PTPRD: variants seen among roughly 807,000 people sequenced by gnomAD.
PTPRD encodes the protein protein tyrosine phosphatase receptor type D, also known as receptor-type tyrosine-protein phosphatase delta.
PTPRD carries 34 observed loss-of-function variants against 214.5 expected under a neutral mutation model. The ratio of observed to expected loss-of-function variants is 0.16; its 90% CI spans 0.12 to 0.21. The LOEUF (loss-of-function observed/expected upper bound fraction) is 0.21, where lower values mean the gene tolerates loss of function less well. Among genes scored for constraint, PTPRD ranks in the 10% least tolerant of loss-of-function variants. The pLI is 1.00. For synonymous variants in PTPRD, 1,128 were observed against 845.7 expected, an observed-to-expected ratio of 1.33 and a Z score of -5.79; for missense variants, 2,545 against 2,398.7, an observed-to-expected ratio of 1.06 and a Z score of -1.27.
At chr9:9,140,268 G>A (rs551832466) in intron 10 of PTPRD, among the ~76,000 whole-genome samples, 3 of 152,080 alleles carry the variant, frequency 2.0e-5, no homozygotes, top group Admixed American at 6.5e-5. Context: ...TAAATGCAGT[G>A]TTTTATCTTG....
At chr9:8,389,101 C>A (rs1187317819) in intron 37 of PTPRD, 131 bp downstream of exon 37, 5 of 653,644 alleles carry the variant, frequency 7.6e-6, no homozygotes, top group Non-Finnish European at 1.2e-5. Flanking sequence ...TTGTTGATGC[C>A]CATTCATAAT....
At chr9:9,223,157 T>C (rs770795333) in intron 9 of PTPRD, among the ~76,000 whole-genome samples, 6 of 151,974 alleles carry the variant, frequency 3.9e-5, no homozygotes, top group Non-Finnish European at 8.8e-5. Context: ...AATATAGCTC[T>C]AAGTGGGCAG....
rs556180821 is a variant in PTPRD, at chr9:9,890,778, G to A, written c.-368+47729C>T. The stretch of plus-strand genomic sequence containing the variant: ...GGGTGTAATTTCCACCAATTGGAAG[G>A]GGAAAGCAGGCGCCTATTCTCAAAT... On this transcript the variant is annotated intron_variant, in intron 5 of 45. Transcript: ENST00000381196. 3.9e-5 allele frequency among the ~76,000 whole-genome samples: 6 copies of A among 152,102 alleles called. No homozygotes were observed. The East Asian group carries it at 9.7e-4, about 25-fold the overall frequency.
chr9:10,008,671 G>T (rs1224509016), intron 4 of PTPRD, among the ~76,000 whole-genome samples: 1 of 151,588 alleles, frequency 6.6e-6, no homozygotes, highest in Non-Finnish European at 1.5e-5. Flanking sequence ...TCTGGTTTTT[G>T]CCAGAAGCTA....
At chr9:10,333,794 G>C (rs191986906) in intron 3 of PTPRD, among the ~76,000 whole-genome samples, 9 of 151,858 alleles carry the variant, frequency 5.9e-5, no homozygotes, top group Non-Finnish European at 1.2e-4. Flanking sequence ...TTTAGGTTTT[G>C]TCTACCTAGG....
intron 10 of PTPRD, among the ~76,000 whole-genome samples, chr9:9,163,571 T>C (rs1212074761): frequency 6.6e-6 from 1 of 152,072 alleles, no homozygotes; most frequent in African/African-American, 2.4e-5. Flanking sequence ...CTAATTGGCC[T>C]TTTTTCCCGT....
intron 15 of PTPRD, chr9:8,528,171 CATTTT>C: frequency 2.7e-6 from 1 of 373,906 alleles, no homozygotes; most frequent in Admixed American, 4.4e-5. Flanking sequence ...TTAATATGAA[CATTTT>C]ATTTTTTAAT....
chr9:10,504,243 T>A (rs1242832047), intron 2 of PTPRD, among the ~76,000 whole-genome samples: 3 of 149,386 alleles, frequency 2.0e-5, no homozygotes, highest in Non-Finnish European at 4.5e-5. Flanking sequence ...AACTCTCTCC[T>A]ATCTACATGT....
intron 5 of PTPRD, among the ~76,000 whole-genome samples, chr9:9,862,946 T>C (rs766828815): frequency 2.0e-5 from 3 of 147,886 alleles, no homozygotes; most frequent in African/African-American, 5.1e-5. Context: ...TTTCATAAAA[T>C]AGTTTGTAAA....
At chr9:8,625,843 T>C (rs570161844) in intron 14 of PTPRD, among the ~76,000 whole-genome samples, 18 of 151,226 alleles carry the variant, frequency 1.2e-4, no homozygotes, top group Non-Finnish European at 2.2e-4. Context: ...TGAAATGATA[T>C]GACTATTCCC....
At chr9:9,530,156 T>C (rs2075130901) in intron 8 of PTPRD, among the ~76,000 whole-genome samples, 1 of 152,022 alleles carries the variant, frequency 6.6e-6, no homozygotes, top group African/African-American at 2.4e-5. Flanking sequence ...ATAAAGATCA[T>C]AGCAGAGCTA....
At chr9:8,413,284 G>C (rs1025056336) in intron 35 of PTPRD, among the ~76,000 whole-genome samples, 1 of 152,098 alleles carries the variant, frequency 6.6e-6, no homozygotes, top group Non-Finnish European at 1.5e-5. Context: ...TTCAGATGCA[G>C]GTGGAGGGAA....
rs542518957 is a variant in PTPRD at position 8,703,950 on chromosome 9, C to G, written c.64+29830G>C. Among the ~76,000 whole-genome samples, 609 of 152,308 alleles carry G rather than the reference C, an allele frequency of 4.0e-3. 2 individuals carry two copies. The highest frequency in any genetic ancestry group is 0.014 in the African/African-American group (587 of 41,574). ...CTTATCAATAAATACTACAATCACC[C>G]CAACAGGTGCTCTTAACACAAATCT... On this transcript the variant is annotated intron_variant, in intron 12 of 45. Transcript: ENST00000381196.
At chr9:10,303,520 A>T (rs2095940285) in intron 3 of PTPRD, among the ~76,000 whole-genome samples, 1 of 152,170 alleles carries the variant, frequency 6.6e-6, no homozygotes, top group South Asian at 2.1e-4. Context: ...CACTAGACAG[A>T]CTAATAAAGA....
At chr9:10,478,318 A>G (rs1443423218) in intron 2 of PTPRD, among the ~76,000 whole-genome samples, 2 of 152,208 alleles carry the variant, frequency 1.3e-5, no homozygotes, top group African/African-American at 2.4e-5. Flanking sequence ...TATAAAATAT[A>G]AAATATGAAT....
intron 2 of PTPRD, among the ~76,000 whole-genome samples, chr9:10,544,787 T>G (rs928508089): frequency 1.1e-4 from 16 of 152,224 alleles, no homozygotes; most frequent in Admixed American, 7.9e-4. Flanking sequence ...TATATTTCAC[T>G]TTAATGCTTA....
chr9:9,994,334 T>C (rs1410259994), intron 4 of PTPRD, among the ~76,000 whole-genome samples: 1 of 152,200 alleles, frequency 6.6e-6, no homozygotes, highest in Non-Finnish European at 1.5e-5. Flanking sequence ...ATAGTTTCTT[T>C]AAAAAAGATA....
At chr9:9,638,603 A>G (rs1432718439) in intron 7 of PTPRD, among the ~76,000 whole-genome samples, 1 of 152,198 alleles carries the variant, frequency 6.6e-6, no homozygotes, top group Non-Finnish European at 1.5e-5. Context: ...ATAGCAAAGT[A>G]GACTTCTTCC....
intron 19 of PTPRD, among the ~76,000 whole-genome samples, chr9:8,522,797 G>A (rs1458662804): frequency 6.6e-6 from 1 of 152,174 alleles, no homozygotes; most frequent in Non-Finnish European, 1.5e-5. Flanking sequence ...TTGAGATCTA[G>A]AGGGTAATCT....
Sources: gnomAD v4.1 joint callset for allele counts (sites outside exome capture counted in the v4.1 genomes callset) on GRCh38, gnomAD v4.1.1 for gene constraint, MANE v1.5 for transcripts, NCBI Gene and HGNC (gene_info 2026-07-23, HGNC 2026-07-21) for gene names.